Variants in NRG1 observed in about 807,000 individuals in gnomAD.
NRG1 encodes neuregulin 1, also known as pro-neuregulin-1, membrane-bound isoform.
A neutral mutation model predicts 63.8 loss-of-function variants in NRG1; 18 were observed. The ratio of observed to expected loss-of-function variants is 0.28; its 90% CI spans 0.19 to 0.42. NRG1 has a LOEUF of 0.42. NRG1 is among the 10% of genes least tolerant of loss of function. The pLI is 1.00. For synonymous variants in NRG1, 302 were observed against 301.3 expected, an observed-to-expected ratio of 1.00 and a Z score of -0.02; for missense variants, 762 against 814.7, an observed-to-expected ratio of 0.94 and a Z score of 0.79.
chr8:32,246,709 G>A (rs1848619060), intron 1 of NRG1, among the ~76,000 whole-genome samples: 1 of 152,006 alleles, frequency 6.6e-6, no homozygotes, highest in African/African-American at 2.4e-5. Context: ...AAAAATACTG[G>A]CTTATAGGCA....
intron 1 of NRG1, among the ~76,000 whole-genome samples, chr8:32,236,402 C>T (rs560007470): frequency 2.6e-5 from 4 of 152,126 alleles, no homozygotes; most frequent in Admixed American, 6.6e-5. Context: ...GCTCTAGAAA[C>T]GTGAAAAATA....
Position 31,813,516 on chromosome 8 carries a change from C to CTTTTCTTTTCTT in NRG1, c.37+174089_37+174090insCTTTTCTTTTTT. ...ATTTTCTTTTCTTTTCTTTTCTTTTCTTTTTTTTTTTTTTTTTGTTTTTTG... is the reference window on the plus strand; with the variant it reads ...ATTTTCTTTTCTTTTCTTTTCTTTTCTTTTCTTTTCTTTTTTTTTTTTTTTTTTTGTTTTTTG... On this transcript the variant is annotated intron_variant, in intron 1 of 10. Transcript: ENST00000519301. Among the ~76,000 whole-genome samples, 610 of 101,200 alleles carry CTTTTCTTTTCTT rather than the reference C, an allele frequency of 6.0e-3. 4 individuals are homozygous for CTTTTCTTTTCTT. The highest frequency in any genetic ancestry group is 0.013 in the Middle Eastern group (2 of 152). The allele number at this position is 101,200 out of a possible 152,430, so 66.4% of individuals were successfully genotyped here. A position where few individuals can be genotyped will look rare whatever the true frequency, so the allele number is the denominator to read the frequency against.
chr8:31,851,659 C>G (rs1586807062), intron 1 of NRG1, among the ~76,000 whole-genome samples: 1 of 151,748 alleles, frequency 6.6e-6, no homozygotes. Context: ...GCACAATGTT[C>G]AGGTTAGTTA....
chr8:32,528,692 T>C (rs2129516803), intron 1 of NRG1, among the ~76,000 whole-genome samples: 1 of 152,316 alleles, frequency 6.6e-6, no homozygotes, highest in South Asian at 2.1e-4. Flanking sequence ...GTTTGGTTCT[T>C]GTCATATATA....
intron 1 of NRG1, among the ~76,000 whole-genome samples, chr8:32,550,456 G>A (rs981521828): frequency 6.6e-6 from 1 of 152,168 alleles, no homozygotes; most frequent in African/African-American, 2.4e-5. Flanking sequence ...GTTTGTGGTT[G>A]TGTTCTCCTG....
intron 7 of NRG1, among the ~76,000 whole-genome samples, chr8:32,744,052 A>C (rs1385043519): frequency 1.3e-5 from 2 of 152,068 alleles, no homozygotes; most frequent in African/African-American, 4.8e-5. Context: ...CACCCCGAAA[A>C]ATATGTCACA....
At chr8:32,127,661 C>T (rs1834275141) in intron 1 of NRG1, among the ~76,000 whole-genome samples, 1 of 151,604 alleles carries the variant, frequency 6.6e-6, no homozygotes, top group South Asian at 2.1e-4. Context: ...CCTGTAGCTC[C>T]TAATCTTCCC....
exon 10 of NRG1, chr8:32,759,315 T>C: frequency 1.2e-6 from 2 of 1,613,618 alleles, no homozygotes; most frequent in Non-Finnish European, 1.7e-6. Context: ...GCAATACGTA[T>C]CTAAAAACGT....
chr8:31,904,922 T>C (rs1009662848), intron 1 of NRG1, among the ~76,000 whole-genome samples: 1 of 152,116 alleles, frequency 6.6e-6, no homozygotes. Flanking sequence ...AATACTATGC[T>C]TATCAACTGG....
At chr8:32,684,108 G>A (rs909535881) in intron 5 of NRG1, among the ~76,000 whole-genome samples, 1 of 152,166 alleles carries the variant, frequency 6.6e-6, no homozygotes, top group African/African-American at 2.4e-5. Context: ...GGAGGTTGCA[G>A]TGAGCAGAGA....
intron 1 of NRG1, among the ~76,000 whole-genome samples, chr8:31,645,385 C>G (rs141397288): frequency 7.2e-5 from 11 of 152,168 alleles, no homozygotes; most frequent in Admixed American, 2.0e-4. Context: ...AGGGATTGTC[C>G]TAGTTGAGAG....
chr8:32,577,925 GA>G (rs1475040258), intron 1 of NRG1, among the ~76,000 whole-genome samples: 2 of 152,150 alleles, frequency 1.3e-5, no homozygotes, highest in Admixed American at 1.3e-4. Context: ...CTGGAAGCAA[GA>G]AAACCAGCCA....
At chr8:32,698,216 AT>A (rs1195199316) in intron 5 of NRG1, among the ~76,000 whole-genome samples, 26 of 150,886 alleles carry the variant, frequency 1.7e-4, no homozygotes, top group Admixed American at 3.3e-4. Flanking sequence ...AAAAAAAAAA[AT>A]ATATGAAAAG....
At chr8:32,405,130 G>T (rs976848531) in intron 1 of NRG1, among the ~76,000 whole-genome samples, 2 of 152,176 alleles carry the variant, frequency 1.3e-5, no homozygotes, top group African/African-American at 2.4e-5. Context: ...TGTCCCTGTT[G>T]CCTCTGGTCC....
intron 1 of NRG1, among the ~76,000 whole-genome samples, chr8:32,444,219 A>AGAATTTGAGCT (rs1819947931): frequency 6.6e-6 from 1 of 152,116 alleles, no homozygotes; most frequent in South Asian, 2.1e-4. Context: ...CCTGGGCTCA[A>AGAATTTGAGCT]GGGATCCTCC....
At chr8:32,103,296 C>T (rs977101151) in intron 1 of NRG1, among the ~76,000 whole-genome samples, 1 of 152,154 alleles carries the variant, frequency 6.6e-6, no homozygotes, top group Non-Finnish European at 1.5e-5. Flanking sequence ...GTTTGTCTTT[C>T]TGTTCCTGGC....
intron 1 of NRG1, among the ~76,000 whole-genome samples, chr8:32,454,555 A>G (rs538662926): frequency 6.8e-6 from 1 of 146,206 alleles, no homozygotes; most frequent in African/African-American, 2.5e-5. Flanking sequence ...ATCTGTGCCC[A>G]GTCCTCTTCC....
intron 6 of NRG1, among the ~76,000 whole-genome samples, chr8:32,737,843 G>GT (rs1589509293): frequency 6.6e-6 from 1 of 151,568 alleles, no homozygotes; most frequent in African/African-American, 2.4e-5. Flanking sequence ...CGCCCAACCA[G>GT]TTTTTTTATT....
At chr8:32,318,079 T>A (rs1800971176) in intron 1 of NRG1, among the ~76,000 whole-genome samples, 1 of 152,146 alleles carries the variant, frequency 6.6e-6, no homozygotes, top group Admixed American at 6.5e-5. Flanking sequence ...ATAATCAGAT[T>A]CTAAAGTTCT....
Sources: allele counts gnomAD v4.1 joint callset (sites outside exome capture counted in the v4.1 genomes callset), GRCh38; gene constraint gnomAD v4.1.1; transcripts MANE v1.5; gene names NCBI Gene and HGNC (gene_info 2026-07-23, HGNC 2026-07-21).